Variants in ESYT2 observed in about 807,000 individuals in gnomAD.
ESYT2 encodes the protein extended synaptotagmin 2, also known as extended synaptotagmin-2.
A neutral mutation model predicts 107.2 loss-of-function variants in ESYT2; 54 were observed. The observed-to-expected ratio is 0.50, with a 90% CI of 0.40 to 0.63. The LOEUF (loss-of-function observed/expected upper bound fraction) is 0.63. Ranked by LOEUF, ESYT2 falls within the 30% of genes least tolerant of loss-of-function variation. The pLI, the probability that ESYT2 is intolerant of heterozygous loss-of-function variation, is 0.00. For synonymous variants in ESYT2, 491 were observed against 434.1 expected (o/e 1.13, Z -1.63); for missense variants, 1,020 against 1,094.5 (o/e 0.93, Z 0.96).
chr7:158,781,916 CAA>C (rs1280635190), intron 6 of ESYT2, among the ~76,000 whole-genome samples: 6 of 146,632 alleles, frequency 4.1e-5, no homozygotes, highest in African/African-American at 1.0e-4. Flanking sequence ...AACGACAGAA[CAA>C]AGTGTGAAAG....
Position 158,829,217 on chromosome 7 carries a change from C to T in ESYT2, c.202G>A (p.Ala68Thr). The T allele has an allele frequency of 6.5e-7, 1 of 1,529,546 alleles. No homozygotes were observed. The highest frequency in any genetic ancestry group is 8.7e-7 in the Non-Finnish European group (1 of 1,145,934). The allele number at this position is 1,529,546 out of a possible 1,614,324, so 94.7% of individuals were successfully genotyped here. ...LSFSWVLLAL[A>T]LLAWCRRSRG... ...CTGCGGCGACACCAGGCGAGCAGCG[C>T]GAGCGCGAGGAGAACCCAGCTGAAG... The change falls in exon 1 of 23, where the codon GCG becomes ACG. Residue 68 changes from alanine (A) to threonine (T), a missense_variant. By Grantham distance (58) the Ala-to-Thr change is moderately conservative (BLOSUM62 0). Transcript: ENST00000275418.
intron 1 of ESYT2, among the ~76,000 whole-genome samples, chr7:158,820,876 C>T (rs980197659): frequency 3.9e-5 from 6 of 152,132 alleles, no homozygotes; most frequent in East Asian, 1.9e-4. Context: ...GTGTTATTGC[C>T]GGCTGGTAAA....
At chr7:158,736,913 G>A (rs1836975397) in intron 20 of ESYT2, 135 bp downstream of exon 20, 1 of 1,094,574 alleles carries the variant, frequency 9.1e-7, no homozygotes, top group Admixed American at 2.3e-5. Flanking sequence ...AAGTATGTTT[G>A]CTAAAAGTTG....
At chr7:158,782,152 T>C (rs1838875025) in intron 6 of ESYT2, among the ~76,000 whole-genome samples, 1 of 146,676 alleles carries the variant, frequency 6.8e-6, no homozygotes, top group Non-Finnish European at 1.5e-5. Flanking sequence ...AGTGAACAAG[T>C]GTGAGTGTGA....
At chr7:158,817,133 G>C (rs986291807) in intron 1 of ESYT2, among the ~76,000 whole-genome samples, 1 of 152,184 alleles carries the variant, frequency 6.6e-6, no homozygotes, top group African/African-American at 2.4e-5. Context: ...CTCTCTGCCA[G>C]AGGCATTCCA....
chr7:158,807,483 T>C (rs1420174418), intron 1 of ESYT2, among the ~76,000 whole-genome samples: 1 of 152,200 alleles, frequency 6.6e-6, no homozygotes, highest in Non-Finnish European at 1.5e-5. Context: ...ACTGTTTCCT[T>C]TTTAATTATT....
chr7:158,741,289 G>A (rs1250255578), intron 18 of ESYT2, among the ~76,000 whole-genome samples: 5 of 152,194 alleles, frequency 3.3e-5, no homozygotes, highest in African/African-American at 7.2e-5. Context: ...ACTCCATCAC[G>A]TTCTAATCTT....
At chr7:158,796,356 T>C (rs553393160) in intron 3 of ESYT2, among the ~76,000 whole-genome samples, 3 of 152,348 alleles carry the variant, frequency 2.0e-5, no homozygotes, top group South Asian at 2.1e-4. Context: ...CTTTCCTTTT[T>C]ATATAATGTG....
chr7:158,804,278 GC>G (rs1839742778), intron 1 of ESYT2, among the ~76,000 whole-genome samples: 4 of 84,462 alleles, frequency 4.7e-5, no homozygotes, highest in Admixed American at 4.5e-4. Flanking sequence ...GAAGGGTGAG[GC>G]GCGCGACAAA....
intron 6 of ESYT2, among the ~76,000 whole-genome samples, chr7:158,782,307 AGTGT>A (rs1304674453): frequency 1.3e-5 from 2 of 151,528 alleles, no homozygotes; most frequent in East Asian, 1.9e-4. Context: ...CAAGTGAACA[AGTGT>A]GAGTGAACGA....
intron 1 of ESYT2, among the ~76,000 whole-genome samples, chr7:158,822,198 G>C (rs1840304652): frequency 6.6e-6 from 1 of 152,140 alleles, no homozygotes; most frequent in South Asian, 2.1e-4. Context: ...AAATGCAAGA[G>C]ACGACAAAAG....
chr7:158,738,989 C>T, intron 19 of ESYT2, 34 bp downstream of exon 19: 1 of 1,597,326 alleles, frequency 6.3e-7, no homozygotes, highest in Non-Finnish European at 8.6e-7. Flanking sequence ...CACTCAGCAG[C>T]ACAGCAGCGG....
At position 158,759,514 on chromosome 7, in the gene ESYT2, AAGATC is replaced by A; in HGVS notation, c.1386_1390del (p.Ile463ValfsTer11). ...AAGGTTCCTTGCTGAATCCAAGTAC[AAGATC>A]AGCAATGCAGAGGAAAGACCATCGT... is the stretch of plus-strand genomic sequence containing the variant. On this transcript the variant is annotated frameshift_variant, in exon 13 of 23. Transcript: ENST00000275418. LOFTEE classifies it high-confidence loss of function. The A allele has an allele frequency of 6.2e-7, 1 of 1,611,574 alleles. No homozygotes were observed. Among genetic ancestry groups the A allele is most frequent in the Non-Finnish European group, 8.5e-7 (1 of 1,177,822 alleles).
intron 1 of ESYT2, among the ~76,000 whole-genome samples, chr7:158,799,282 G>A (rs1343121671): frequency 6.6e-6 from 1 of 152,150 alleles, no homozygotes; most frequent in South Asian, 2.1e-4. Context: ...AACACAATGA[G>A]CAAAAAAGTT....
chr7:158,771,379 A>G (rs1331521006), intron 7 of ESYT2, among the ~76,000 whole-genome samples: 1 of 152,202 alleles, frequency 6.6e-6, no homozygotes, highest in Non-Finnish European at 1.5e-5. Context: ...TTCTAGAGAA[A>G]GTTTTTGCTT....
In ESYT2 at chr7:158,734,090, G is replaced by A. The variant is rs1453881479; in HGVS notation, c.*117C>T. 8 of 1,214,828 alleles carry A rather than the reference G, an allele frequency of 6.6e-6. No homozygotes were observed. Among genetic ancestry groups the A allele is most frequent in the South Asian group, 5.6e-5 (4 of 71,188 alleles). 75.3% of individuals were successfully genotyped at this position (1,214,828 alleles called of 1,614,324 possible). On this transcript the variant is annotated 3_prime_UTR_variant, in exon 23 of 23. Transcript: ENST00000275418. The stretch of plus-strand genomic sequence containing the variant: ...GTCAACAATTTTATAAAACTATTAA[G>A]GTATGTATAACTAAATCCATGAAAT...
intron 4 of ESYT2, among the ~76,000 whole-genome samples, chr7:158,792,220 G>A (rs1293418960): frequency 7.2e-6 from 1 of 139,416 alleles, no homozygotes; most frequent in South Asian, 2.2e-4. Context: ...CATCTCAACT[G>A]TAAACAAAGA....
chr7:158,755,006 T>G (rs1837704139), intron 13 of ESYT2, among the ~76,000 whole-genome samples: 1 of 152,174 alleles, frequency 6.6e-6, no homozygotes, highest in Non-Finnish European at 1.5e-5. Context: ...GAAGTCCTTC[T>G]TGTTCAAGCC....
At chr7:158,781,189 G>C (rs1838779009) in intron 6 of ESYT2, among the ~76,000 whole-genome samples, 1 of 152,056 alleles carries the variant, frequency 6.6e-6, no homozygotes, top group Admixed American at 6.6e-5. Context: ...GAACAAATGA[G>C]AACAAGTATG....
Sources: allele counts gnomAD v4.1 joint callset (sites outside exome capture counted in the v4.1 genomes callset), GRCh38; gene constraint gnomAD v4.1.1; transcripts MANE v1.5; gene names NCBI Gene and HGNC (gene_info 2026-07-23, HGNC 2026-07-21).